Variants in TEX36 observed in about 807,000 individuals in gnomAD.
TEX36 encodes testis expressed 36.
A neutral mutation model predicts 13.6 loss-of-function variants in TEX36; 12 were observed. That is an observed-to-expected ratio of 0.88 (90% confidence interval 0.56 to 1.43). The LOEUF is 1.43. Among genes scored for constraint, TEX36 ranks in the 40% most tolerant of loss-of-function variants. TEX36 has a pLI of 0.00. For synonymous variants in TEX36, 93 were observed against 83.0 expected (o/e 1.12, Z -0.65); for missense variants, 224 against 228.3 (o/e 0.98, Z 0.12).
At chr10:125,601,374 G>C (rs1490286725) in intron 3 of TEX36, among the ~76,000 whole-genome samples, 1 of 152,216 alleles carries the variant, frequency 6.6e-6, no homozygotes, top group Admixed American at 6.5e-5. Flanking sequence ...CCATCTCAGA[G>C]GCCCATTCTC....
At chr10:125,643,242 C>G (rs1345675182) in intron 3 of TEX36, among the ~76,000 whole-genome samples, 1 of 152,184 alleles carries the variant, frequency 6.6e-6, no homozygotes, top group Non-Finnish European at 1.5e-5. Flanking sequence ...AGAAGAGGAG[C>G]TAGTGGACAC....
downstream of TEX36, among the ~76,000 whole-genome samples, chr10:125,617,194 TG>T (rs1846371611): frequency 6.6e-6 from 1 of 151,794 alleles, no homozygotes; most frequent in Non-Finnish European, 1.5e-5. Flanking sequence ...GCACGTGAGA[TG>T]GGTTTCCTGA....
intron 3 of TEX36, among the ~76,000 whole-genome samples, chr10:125,647,574 C>G (rs932805818): frequency 6.6e-6 from 1 of 152,200 alleles, no homozygotes; most frequent in South Asian, 2.1e-4. Flanking sequence ...CGAATAGGAA[C>G]AGCTCCAGTC....
chr10:125,654,961 C>T (rs186373474), downstream of TEX36, among the ~76,000 whole-genome samples: 5 of 152,264 alleles, frequency 3.3e-5, no homozygotes, highest in East Asian at 7.7e-4. Context: ...TCCAGAGAGG[C>T]TGATCAAGCA....
chr10:125,621,077 T>C (rs577384151), downstream of TEX36, among the ~76,000 whole-genome samples: 3 of 152,318 alleles, frequency 2.0e-5, no homozygotes, highest in Non-Finnish European at 4.4e-5. Flanking sequence ...ATTGTGTTGC[T>C]ATAAAAATGG....
At position 125,661,093 on chromosome 10, in the gene TEX36, CA is replaced by C; in HGVS notation, c.191del (p.Val64GlyfsTer103). The C allele has an allele frequency of 6.4e-7, 1 of 1,551,896 alleles. No homozygotes were observed. The highest frequency in any genetic ancestry group is 1.2e-5 in the South Asian group (1 of 84,046). On this transcript the variant is annotated frameshift_variant, in exon 3 of 4. Coordinates refer to ENST00000368821, the MANE Select transcript of TEX36 (RefSeq NM_001128202.3). LOFTEE classifies it high-confidence loss of function. ...GCACGGAGAAGGGGAACTGGTTATT[CA>C]CTGCTTGCTGGAAAAGTGGGATGGA... is the stretch of plus-strand genomic sequence containing the variant. ...PIYKVREKQA[V>X]NNQFPFSVHD...
At chr10:125,681,329 G>C (rs1262408583) in intron 1 of TEX36, among the ~76,000 whole-genome samples, 1 of 152,228 alleles carries the variant, frequency 6.6e-6, no homozygotes, top group Non-Finnish European at 1.5e-5. Context: ...ATTTGGTTAA[G>C]ACACTGTAGT....
At chr10:125,591,067 G>C (rs775929805) in intron 3 of TEX36, among the ~76,000 whole-genome samples, 7 of 152,140 alleles carry the variant, frequency 4.6e-5, no homozygotes, top group Admixed American at 2.0e-4. Flanking sequence ...TGATGAGGGT[G>C]GATCTGAGCT....
intron 1 of TEX36, among the ~76,000 whole-genome samples, chr10:125,679,808 G>A (rs555348082): frequency 7.2e-5 from 11 of 152,286 alleles, no homozygotes; most frequent in Non-Finnish European, 1.6e-4. Flanking sequence ...AGGCGGGCAC[G>A]CAATGCTTCT....
intron 3 of TEX36, among the ~76,000 whole-genome samples, chr10:125,590,137 C>G (rs1030068354): frequency 6.6e-6 from 1 of 152,028 alleles, no homozygotes; most frequent in Admixed American, 6.6e-5. Context: ...TAATTTGAGA[C>G]AGGCTCTTGC....
At chr10:125,617,019 G>A (rs976980166), downstream of TEX36, among the ~76,000 whole-genome samples, 5 of 152,212 alleles carry the variant, frequency 3.3e-5, no homozygotes, top group Non-Finnish European at 7.3e-5. Context: ...TTGTTGAATT[G>A]ATCCCTTTGC....
At chr10:125,672,558 T>C (rs1275139628) in intron 1 of TEX36, among the ~76,000 whole-genome samples, 1 of 152,234 alleles carries the variant, frequency 6.6e-6, no homozygotes, top group East Asian at 1.9e-4. Flanking sequence ...CATCATGTGA[T>C]CAGTTTCAGA....
chr10:125,656,413 C>G (rs559428988), intron 3 of TEX36, among the ~76,000 whole-genome samples: 2 of 151,768 alleles, frequency 1.3e-5, no homozygotes, highest in Non-Finnish European at 2.9e-5. Flanking sequence ...GACCCCACCA[C>G]GCCTGGCTAA....
In TEX36 at chr10:125,632,458, A is replaced by G. The variant is rs538634035; in HGVS notation, c.265-10813T>C. On this transcript the variant is annotated intron_variant, in intron 3 of 3. Coordinates refer to the TEX36 transcript ENST00000526819. Reference sequence around the variant, plus strand: ...CAGGGCCTGGCACCTTGGAAGGTTCAGTAGACTTAGCTGGATAAACGGCTC... The same window carrying G: ...CAGGGCCTGGCACCTTGGAAGGTTCGGTAGACTTAGCTGGATAAACGGCTC... Among the ~76,000 whole-genome samples, 8 of 152,310 alleles carry G rather than the reference A, an allele frequency of 5.3e-5. No homozygotes were observed. The South Asian group carries it at 1.7e-3, about 32-fold the overall frequency.
chr10:125,671,170 T>C (rs1324993817), intron 1 of TEX36, among the ~76,000 whole-genome samples: 1 of 152,238 alleles, frequency 6.6e-6, no homozygotes, highest in Non-Finnish European at 1.5e-5. Flanking sequence ...AAATACTTTG[T>C]TGAATAGGAA....
At chr10:125,577,806 T>G (rs960653419) in intron 3 of TEX36, among the ~76,000 whole-genome samples, 1 of 152,238 alleles carries the variant, frequency 6.6e-6, no homozygotes, top group Non-Finnish European at 1.5e-5. Context: ...CCTTTCCTAC[T>G]CAGCTCTTTG....
chr10:125,608,597 G>A (rs540436036), intron 3 of TEX36, among the ~76,000 whole-genome samples: 1 of 152,164 alleles, frequency 6.6e-6, no homozygotes, highest in Admixed American at 6.5e-5. Context: ...TCTGGGCTAC[G>A]GGCTGGTGTG....
downstream of TEX36, among the ~76,000 whole-genome samples, chr10:125,619,087 G>A (rs949968151): frequency 5.9e-5 from 9 of 151,292 alleles, no homozygotes; most frequent in South Asian, 2.1e-4. Flanking sequence ...CCGAGATCGC[G>A]TCACTGCACT....
chr10:125,662,571 T>C (rs1847063198), intron 1 of TEX36, among the ~76,000 whole-genome samples: 2 of 151,770 alleles, frequency 1.3e-5, no homozygotes, highest in Admixed American at 1.3e-4. Flanking sequence ...GTCCTTGCAA[T>C]CTCCCAACAA....
Sources: allele counts gnomAD v4.1 joint callset (sites outside exome capture counted in the v4.1 genomes callset), GRCh38; gene constraint gnomAD v4.1.1; transcripts MANE v1.5; gene names NCBI Gene and HGNC (gene_info 2026-07-23, HGNC 2026-07-21).